The following WWOX variants were observed in gnomAD, a reference collection of about 807,000 sequenced individuals.
WWOX encodes the protein WW domain-containing oxidoreductase.
A neutral mutation model predicts 46.2 loss-of-function variants in WWOX; 69 were observed. The observed-to-expected ratio is 1.49, with a 90% confidence interval of 1.23 to 1.82. The LOEUF is 1.82. WWOX is among the 40% of genes most tolerant of loss of function. The pLI is 0.00. For synonymous variants in WWOX, 359 were observed against 202.6 expected (o/e 1.77, Z -6.56); for missense variants, 919 against 542.6 (o/e 1.69, Z -6.89).
chr16:78,660,916 ACCT>A (rs1270332160), intron 8 of WWOX, among the ~76,000 whole-genome samples: 6 of 152,138 alleles, frequency 3.9e-5, no homozygotes, highest in African/African-American at 1.4e-4. Context: ...ATGTAGCTCA[ACCT>A]CCTAATACTG....
intron 8 of WWOX, among the ~76,000 whole-genome samples, chr16:78,832,384 C>G (rs59329846): frequency 1.2e-4 from 19 of 152,278 alleles, no homozygotes; most frequent in African/African-American, 3.9e-4. Flanking sequence ...ACATCATGCA[C>G]TGTCAAGCAC....
At chr16:78,994,031 C>T (rs546850822) in intron 8 of WWOX, among the ~76,000 whole-genome samples, 72 of 152,306 alleles carry the variant, frequency 4.7e-4, no homozygotes, top group South Asian at 2.9e-3. Flanking sequence ...GACCCCTGTC[C>T]TAAATGTTCT....
At chr16:79,052,352 C>T (rs2048184386) in intron 8 of WWOX, among the ~76,000 whole-genome samples, 1 of 152,154 alleles carries the variant, frequency 6.6e-6, no homozygotes, top group African/African-American at 2.4e-5. Context: ...ATCCATGTCC[C>T]TACAAAGGAC....
chr16:79,017,429 C>CAAAAAAAAAAAAAAAAACAAA (rs2047438329), intron 8 of WWOX: 1 of 39,120 alleles, frequency 2.6e-5, no homozygotes. Flanking sequence ...GAATCCATCT[C>CAAAAAAAAAAAAAAAAACAAA]AAAAAAAAAA....
intron 8 of WWOX, among the ~76,000 whole-genome samples, chr16:79,191,166 G>C (rs1476860070): frequency 1.3e-5 from 2 of 152,078 alleles, no homozygotes; most frequent in African/African-American, 4.8e-5. Flanking sequence ...CGATTCTTCT[G>C]CCTCAGCTTC....
intron 8 of WWOX, among the ~76,000 whole-genome samples, chr16:78,816,113 C>T (rs2051323432): frequency 6.6e-6 from 1 of 152,184 alleles, no homozygotes; most frequent in African/African-American, 2.4e-5. Context: ...TGAATAAATA[C>T]TCCCCAAAAT....
intron 8 of WWOX, among the ~76,000 whole-genome samples, chr16:78,976,395 G>C (rs1409581349): frequency 2.0e-5 from 3 of 152,222 alleles, no homozygotes; most frequent in Non-Finnish European, 4.4e-5. Context: ...TGTGTGGTCA[G>C]AGTCTCAGAT....
chr16:78,963,567 T>C (rs529613439), intron 8 of WWOX, among the ~76,000 whole-genome samples: 2 of 152,226 alleles, frequency 1.3e-5, no homozygotes, highest in Non-Finnish European at 2.9e-5. Context: ...CTTGAATTAC[T>C]GAATTAGAGT....
intron 6 of WWOX, among the ~76,000 whole-genome samples, chr16:78,404,325 A>G (rs748775200): frequency 6.6e-5 from 10 of 152,122 alleles, no homozygotes; most frequent in Admixed American, 1.3e-4. Context: ...GTTGTATGCC[A>G]AGCATAACCC....
chr16:78,695,195 C>G lies in WWOX; in HGVS notation c.1056+262443C>G, dbSNP rs114600360. ...AAAGTACTGTTAAGGTATGAAAACC[C>G]TGCTAGTATTAGTTCCCTTTTGTTA... On this transcript the variant is annotated intron_variant, in intron 8 of 8. Coordinates refer to ENST00000566780, the MANE Select transcript of WWOX (RefSeq NM_016373.4). 3.2e-3 allele frequency among the ~76,000 whole-genome samples: 489 copies of G among 152,162 alleles called. 1 individual carries two copies. The highest frequency in any genetic ancestry group is 0.011 in the African/African-American group (471 of 41,520).
chr16:78,926,909 A>C (rs980832449), intron 8 of WWOX, among the ~76,000 whole-genome samples: 2 of 152,130 alleles, frequency 1.3e-5, no homozygotes, highest in South Asian at 4.1e-4. Context: ...TGATCCTCCC[A>C]CCTCAGCTTC....
Position 79,019,051 on chromosome 16 carries a change from G to A in WWOX, c.1057-192557G>A, listed in dbSNP as rs528887281. Among the ~76,000 whole-genome samples the A allele has an allele frequency of 1.1e-4, 16 of 150,362 alleles. No individual in the cohort carries two copies. The South Asian group carries it at 2.5e-3, about 24-fold the overall frequency. On this transcript the variant is annotated intron_variant, in intron 8 of 8. Coordinates refer to ENST00000566780, the MANE Select transcript of WWOX (RefSeq NM_016373.4). ...TCATGCCTGTAGTTTCAGCTATTCC[G>A]GAAGCTGAGGTAAGGAGGATCGCTT...
intron 8 of WWOX, among the ~76,000 whole-genome samples, chr16:78,602,372 A>G (rs1007559222): frequency 2.0e-4 from 31 of 152,134 alleles, no homozygotes; most frequent in Non-Finnish European, 1.2e-4. Flanking sequence ...AGCTGGGACT[A>G]AAGGCACGTG....
At chr16:78,346,302 T>C (rs11859786) in intron 5 of WWOX, among the ~76,000 whole-genome samples, 1 of 119,942 alleles carries the variant, frequency 8.3e-6, no homozygotes, top group Non-Finnish European at 2.0e-5. Flanking sequence ...TTTGGGTTCT[T>C]CCCAGTTTTT....
At chr16:78,772,492 A>G (rs139665737) in intron 8 of WWOX, among the ~76,000 whole-genome samples, 2 of 152,112 alleles carry the variant, frequency 1.3e-5, no homozygotes, top group African/African-American at 4.8e-5. Flanking sequence ...CTTCTTGGAA[A>G]TGTTAATCTT....
Position 79,212,154 on chromosome 16 carries a change from G to A in WWOX, c.*358G>A. 1 of 1,506,404 alleles carries A rather than the reference G, an allele frequency of 6.6e-7. No individual in the cohort carries two copies. Among genetic ancestry groups the A allele is most frequent in the Non-Finnish European group, 8.8e-7 (1 of 1,132,532 alleles). The allele number at this position is 1,506,404 out of a possible 1,614,324, so 93.3% of individuals were successfully genotyped here. On this transcript the variant is annotated 3_prime_UTR_variant, in exon 9 of 9. Coordinates refer to ENST00000566780, the MANE Select transcript of WWOX (RefSeq NM_016373.4). ...GCCTGAGGTCCCCTCGTCCCATCCAGCTACCACCACGGCCACCACTGCAGC... is the reference window on the plus strand; with the variant it reads ...GCCTGAGGTCCCCTCGTCCCATCCAACTACCACCACGGCCACCACTGCAGC...
At chr16:79,098,156 C>A (rs942680530) in intron 8 of WWOX, among the ~76,000 whole-genome samples, 1 of 152,184 alleles carries the variant, frequency 6.6e-6, no homozygotes, top group Non-Finnish European at 1.5e-5. Flanking sequence ...ATCAGAATCA[C>A]CTGGGAGCTT....
chr16:78,369,115 G>A (rs1444909299), intron 5 of WWOX, among the ~76,000 whole-genome samples: 5 of 149,400 alleles, frequency 3.3e-5, no homozygotes, highest in Admixed American at 6.7e-5. Flanking sequence ...AACTTGTGAT[G>A]TACACATTAA....
At chr16:78,634,811 G>GGA (rs541433739) in intron 8 of WWOX, among the ~76,000 whole-genome samples, 6,027 of 127,480 alleles carry the variant, frequency 0.047, 143 homozygotes, top group Admixed American at 0.061. Flanking sequence ...GCACCCGACT[G>GGA]GAGAGAGAGA....
Sources: allele counts gnomAD v4.1 joint callset (sites outside exome capture counted in the v4.1 genomes callset), GRCh38; gene constraint gnomAD v4.1.1; transcripts MANE v1.5; gene names NCBI Gene and HGNC (gene_info 2026-07-23, HGNC 2026-07-21).